The following ZMYM1 variants were observed in gnomAD, a reference collection of about 807,000 sequenced individuals.
ZMYM1 encodes the protein zinc finger MYM-type containing 1, also known as zinc finger MYM-type protein 1.
A neutral mutation model predicts 60.0 loss-of-function variants in ZMYM1; 39 were observed. The observed-to-expected ratio is 0.65, with a 90% CI of 0.50 to 0.85. The LOEUF is 0.85. Ranked by LOEUF, ZMYM1 falls within the 40% of genes least tolerant of loss-of-function variation. The probability of loss-of-function intolerance (pLI) is 0.00; values close to 1 mark genes in which losing one functional copy is unlikely to be tolerated. For synonymous variants in ZMYM1, 413 were observed against 454.0 expected, an observed-to-expected ratio of 0.91 and a Z score of 1.15; for missense variants, 1,171 against 1,309.5, an observed-to-expected ratio of 0.89 and a Z score of 1.63.
At chr1:35,061,820 T>TTTTTTTTATTTA (rs372684642) in intron 1 of ZMYM1, among the ~76,000 whole-genome samples, 4 of 145,574 alleles carry the variant, frequency 2.7e-5, no homozygotes, top group East Asian at 2.1e-4. Context: ...TCCCTTTTAT[T>TTTTTTTTATTTA]TTTATTTATT....
chr1:35,076,329 G>A (rs764038797), upstream of ZMYM1, among the ~76,000 whole-genome samples: 1 of 152,102 alleles, frequency 6.6e-6, no homozygotes, highest in East Asian at 1.9e-4. Context: ...GTAAAAAAAG[G>A]TTCAATTTCT....
chr1:35,080,597 T>C (rs1460309191), intron 1 of ZMYM1, among the ~76,000 whole-genome samples: 1 of 151,834 alleles, frequency 6.6e-6, no homozygotes, highest in Admixed American at 6.6e-5. Context: ...GATTACAGGC[T>C]TGAGCCACTG....
Position 35,115,407 on chromosome 1 carries a change from G to A in ZMYM1, c.*148G>A, listed in dbSNP as rs1644234978. The stretch of plus-strand genomic sequence containing the variant: ...AACTCATTTTCTCTTCCCAAAAAGT[G>A]TTATCTTTTCCTTAAATATCCCTCT... On this transcript the variant is annotated 3_prime_UTR_variant, in exon 10 of 10. Transcript: ENST00000359858. 2 of 978,638 alleles carry A rather than the reference G, an allele frequency of 2.0e-6. No individual in the cohort carries two copies. The highest frequency in any genetic ancestry group is 3.8e-5 in the South Asian group (2 of 52,834). The allele number at this position is 978,638 out of a possible 1,614,324, so 60.6% of individuals were successfully genotyped here.
At chr1:35,061,820 T>TTTATTTATTTATTTATTTA (rs1641882767) in intron 1 of ZMYM1, among the ~76,000 whole-genome samples, 7 of 145,644 alleles carry the variant, frequency 4.8e-5, no homozygotes, top group African/African-American at 1.9e-4. Flanking sequence ...TCCCTTTTAT[T>TTTATTTATTTATTTATTTA]TTTATTTATT....
At chr1:35,067,969 G>A (rs747052277) in intron 1 of ZMYM1, among the ~76,000 whole-genome samples, 4 of 151,942 alleles carry the variant, frequency 2.6e-5, no homozygotes, top group Non-Finnish European at 4.4e-5. Context: ...TTTTTAAATT[G>A]TAGAGACAGG....
In ZMYM1 at chr1:35,097,413, G is replaced by C; in HGVS notation, c.266G>C (p.Cys89Ser). The C allele has an allele frequency of 6.2e-7, 1 of 1,614,042 alleles. No individual in the cohort carries two copies. The highest frequency in any genetic ancestry group is 1.1e-5 in the South Asian group (1 of 91,076). ...TCAACCACAGCTATTCAGGTTTCCT[G>C]TGCTGGTTGTAAAAAAATTCTCCAG... ...SVSTTAIQVSCAGCKKILQKG... is the reference protein window; with the variant it reads ...SVSTTAIQVSSAGCKKILQKG... The change falls in exon 4 of 10, where the codon TGT becomes TCT. Residue 89 changes from cysteine (C) to serine (S), a missense_variant. Cys to Ser is a moderately radical substitution (Grantham distance 112). Transcript: ENST00000359858.
chr1:35,064,061 C>T (rs1373401417), intron 1 of ZMYM1, among the ~76,000 whole-genome samples: 4 of 152,130 alleles, frequency 2.6e-5, no homozygotes, highest in African/African-American at 9.7e-5. Flanking sequence ...CACAGTGGCT[C>T]ACGCCTGTAA....
At chr1:35,067,753 T>C (rs1641996171) in intron 1 of ZMYM1, among the ~76,000 whole-genome samples, 1 of 151,630 alleles carries the variant, frequency 6.6e-6, no homozygotes, top group Admixed American at 6.6e-5. Flanking sequence ...TGCGCGCCTG[T>C]GGTCCCGGCT....
upstream of ZMYM1, among the ~76,000 whole-genome samples, chr1:35,076,327 A>G (rs559175668): frequency 6.6e-6 from 1 of 152,324 alleles, no homozygotes; most frequent in South Asian, 2.1e-4. Flanking sequence ...CAGTAAAAAA[A>G]GGTTCAATTT....
At chr1:35,102,951 T>C (rs1307786993) in intron 4 of ZMYM1, among the ~76,000 whole-genome samples, 1 of 152,234 alleles carries the variant, frequency 6.6e-6, no homozygotes, top group African/African-American at 2.4e-5. Context: ...ATTGAGTACT[T>C]CCTTAAGTGA....
intron 6 of ZMYM1, among the ~76,000 whole-genome samples, chr1:35,109,349 C>T (rs1644007588): frequency 6.6e-6 from 1 of 152,076 alleles, no homozygotes. Flanking sequence ...TTCTGAAATC[C>T]AGGAATATTG....
At chr1:35,108,468 C>T (rs1215270781) in intron 6 of ZMYM1, among the ~76,000 whole-genome samples, 2 of 152,112 alleles carry the variant, frequency 1.3e-5, no homozygotes, top group African/African-American at 4.8e-5. Flanking sequence ...TCTTCCATCT[C>T]AGCCTCCCAA....
chr1:35,101,254 G>A (rs1332011892), intron 4 of ZMYM1, among the ~76,000 whole-genome samples: 1 of 151,090 alleles, frequency 6.6e-6, no homozygotes, highest in Non-Finnish European at 1.5e-5. Flanking sequence ...GATTACAGGT[G>A]CCTATCACCA....
At chr1:35,112,018 A>G in intron 8 of ZMYM1, 69 bp from the exon 9 acceptor site, 1 of 1,561,932 alleles carries the variant, frequency 6.4e-7, no homozygotes, top group Non-Finnish European at 8.7e-7. Context: ...AAATAAGCAA[A>G]TATAGTTTAT....
chr1:35,085,167 C>T (rs59715747), intron 1 of ZMYM1, among the ~76,000 whole-genome samples: 3,527 of 152,004 alleles, frequency 0.023, 164 homozygotes, highest in African/African-American at 0.081. Context: ...CCTGCCTCAG[C>T]CTCCGAAGTA....
chr1:35,085,171 C>T lies in ZMYM1; in HGVS notation c.-75+5729C>T, dbSNP rs138250743. 2.5e-4 allele frequency among the ~76,000 whole-genome samples: 38 copies of T among 152,050 alleles called. 1 individual carries two copies. The East Asian group carries it at 6.6e-3, about 26-fold the overall frequency. On this transcript the variant is annotated intron_variant, in intron 1 of 9. Coordinates refer to ENST00000359858, the MANE Select transcript of ZMYM1 (RefSeq NM_024772.5). ...CACGCCCTTCTCCTGCCTCAGCCTC[C>T]GAAGTAGCTGGGACTACAGGTGCCC...
chr1:35,106,894 C>G (rs11264073), intron 6 of ZMYM1, among the ~76,000 whole-genome samples: 3 of 151,522 alleles, frequency 2.0e-5, no homozygotes, highest in Admixed American at 6.6e-5. Context: ...CTCTGTCGCC[C>G]AGGCTGGAGT....
Position 35,113,377 on chromosome 1 carries a change from G to C in ZMYM1, c.1547G>C (p.Ser516Thr), listed in dbSNP as rs1490097810. The change falls in exon 10 of 10, where the codon AGT becomes ACT. Residue 516 changes from serine (S) to threonine (T), a missense_variant. Transcript: ENST00000359858. ...TLEKFRKHEK[S>T]EMHLKSLEFW... ...GAAAAATTCAGAAAGCATGAAAAAA[G>C]TGAAATGCATTTGAAGTCATTGGAA... The C allele has an allele frequency of 1.2e-6, 2 of 1,613,642 alleles. No homozygotes were observed. The highest frequency in any genetic ancestry group is 8.5e-7 in the Non-Finnish European group (1 of 1,179,920).
At chr1:35,111,990 C>T (rs140768019) in intron 8 of ZMYM1, 78 bp downstream of exon 8, 1 of 1,545,052 alleles carries the variant, frequency 6.5e-7, no homozygotes, top group Non-Finnish European at 8.7e-7. Flanking sequence ...GCTAAATTTT[C>T]TTTTTGTTTC....
Sources: gnomAD v4.1 joint callset for allele counts (sites outside exome capture counted in the v4.1 genomes callset) on GRCh38, gnomAD v4.1.1 for gene constraint, MANE v1.5 for transcripts, NCBI Gene and HGNC (gene_info 2026-07-23, HGNC 2026-07-21) for gene names.